CLDN10: variants seen among roughly 807,000 people sequenced by gnomAD.
The protein encoded by CLDN10 is claudin-10.
In CLDN10, 15 loss-of-function variants were observed where a neutral mutation model predicts 22.9. That is an observed-to-expected ratio of 0.65 (90% CI 0.44 to 1.01). CLDN10 has a LOEUF of 1.01. CLDN10 is among the 50% of genes least tolerant of loss of function. The pLI is 0.00. For synonymous variants in CLDN10, 114 were observed against 111.4 expected (o/e 1.02, Z -0.15); for missense variants, 247 against 287.8 (o/e 0.86, Z 1.03).
chr13:95,547,575 C>A (rs924698172), intron 1 of CLDN10, among the ~76,000 whole-genome samples: 1 of 152,158 alleles, frequency 6.6e-6, no homozygotes, highest in Non-Finnish European at 1.5e-5. Flanking sequence ...TTCTTCACAA[C>A]GCCTTTGAAA....
intron 1 of CLDN10, among the ~76,000 whole-genome samples, chr13:95,480,969 T>A (rs2042740945): frequency 6.6e-6 from 1 of 152,170 alleles, no homozygotes. Flanking sequence ...CCAGCTGCCA[T>A]CCTTCCCCTT....
At chr13:95,515,816 T>G (rs2043159162) in intron 1 of CLDN10, among the ~76,000 whole-genome samples, 1 of 152,176 alleles carries the variant, frequency 6.6e-6, no homozygotes, top group East Asian at 1.9e-4. Context: ...CTGCTGACCT[T>G]CTGCCTACTT....
intron 1 of CLDN10, among the ~76,000 whole-genome samples, chr13:95,520,210 C>T (rs574186445): frequency 5.9e-5 from 9 of 152,072 alleles, no homozygotes; most frequent in African/African-American, 1.7e-4. Context: ...TCTTGGTCTA[C>T]GTAGATTGAT....
At chr13:95,469,264 T>C (rs2042608308) in intron 1 of CLDN10, among the ~76,000 whole-genome samples, 1 of 152,200 alleles carries the variant, frequency 6.6e-6, no homozygotes. Flanking sequence ...GCAGAAATGA[T>C]GTGCCATGGA....
At chr13:95,567,673 T>C (rs997272883) in intron 3 of CLDN10, among the ~76,000 whole-genome samples, 47 of 152,346 alleles carry the variant, frequency 3.1e-4, no homozygotes, top group African/African-American at 1.0e-3. Flanking sequence ...ATAGGAGTGG[T>C]GAGAGAGGGC....
chr13:95,492,402 T>C (rs2042882797), intron 1 of CLDN10, among the ~76,000 whole-genome samples: 1 of 151,906 alleles, frequency 6.6e-6, no homozygotes. Context: ...CTAGGAGGAT[T>C]ATGGCTGCCT....
chr13:95,522,202 A>G (rs35376529), intron 1 of CLDN10, among the ~76,000 whole-genome samples: 15,138 of 151,916 alleles, frequency 0.1, 926 homozygotes, highest in Middle Eastern at 0.13. Context: ...TTTTCTGTTT[A>G]TTTGAGATCA....
intron 1 of CLDN10, among the ~76,000 whole-genome samples, chr13:95,522,868 C>A (rs2043237437): frequency 1.3e-5 from 2 of 151,906 alleles, no homozygotes; most frequent in African/African-American, 4.8e-5. Context: ...TAATAGACAT[C>A]AGTCTTATTT....
At chr13:95,479,061 T>C (rs1273545780) in intron 1 of CLDN10, among the ~76,000 whole-genome samples, 1 of 152,188 alleles carries the variant, frequency 6.6e-6, no homozygotes, top group Admixed American at 6.6e-5. Context: ...TAATAAATAG[T>C]GGCCACCGGC....
At chr13:95,484,978 G>C (rs927995709) in intron 1 of CLDN10, among the ~76,000 whole-genome samples, 2 of 152,146 alleles carry the variant, frequency 1.3e-5, no homozygotes, top group African/African-American at 4.8e-5. Flanking sequence ...CACTGGTGAG[G>C]GAGGGATTCC....
chr13:95,449,904 C>T (rs1471867487), intron 1 of CLDN10, among the ~76,000 whole-genome samples: 15 of 152,046 alleles, frequency 9.9e-5, no homozygotes, highest in African/African-American at 2.4e-4. Flanking sequence ...CCACCACGCC[C>T]GGCTGATTTT....
chr13:95,475,846 C>G (rs1332296479), intron 1 of CLDN10, among the ~76,000 whole-genome samples: 1 of 151,864 alleles, frequency 6.6e-6, no homozygotes, highest in African/African-American at 2.4e-5. Flanking sequence ...CTCTCTCTCT[C>G]TCTCTCCCTC....
intron 1 of CLDN10, among the ~76,000 whole-genome samples, chr13:95,467,173 A>G (rs922616585): frequency 2.0e-5 from 3 of 150,942 alleles, no homozygotes; most frequent in Non-Finnish European, 3.0e-5. Flanking sequence ...CACCGCGCCC[A>G]GCCACCCCCT....
chr13:95,509,501 G>A (rs1375637433), intron 1 of CLDN10, among the ~76,000 whole-genome samples: 4 of 152,164 alleles, frequency 2.6e-5, no homozygotes, highest in African/African-American at 7.2e-5. Context: ...CAGGCAGTGC[G>A]AAAATTCATT....
intron 3 of CLDN10, among the ~76,000 whole-genome samples, chr13:95,575,590 C>CGTGTGTGTGTGTGTGTCT: frequency 6.6e-6 from 1 of 151,742 alleles, no homozygotes; most frequent in East Asian, 1.9e-4. Context: ...CTGCTCAGTT[C>CGTGTGTGTGTGTGTGTCT]GTGTGTGTGT....
intron 3 of CLDN10, among the ~76,000 whole-genome samples, chr13:95,570,308 C>G (rs1333271593): frequency 6.6e-6 from 1 of 152,072 alleles, no homozygotes; most frequent in Non-Finnish European, 1.5e-5. Flanking sequence ...CCAAGCAAAC[C>G]CCCCAATTAT....
At chr13:95,553,879 A>G (rs2043601418) in intron 1 of CLDN10, among the ~76,000 whole-genome samples, 1 of 152,216 alleles carries the variant, frequency 6.6e-6, no homozygotes, top group Non-Finnish European at 1.5e-5. Flanking sequence ...TTGATTGCTC[A>G]AGTTCTAGGC....
Position 95,579,399 on chromosome 13 carries a change from TCTCA to T in CLDN10, c.*1393_*1396del, listed in dbSNP as rs571989635. 1.2e-4 allele frequency: 18 copies of T among 152,338 alleles called. No individual in the cohort carries two copies. In the East Asian group the frequency reaches 2.1e-3, roughly 18 times the overall value. 9.4% of individuals were successfully genotyped at this position (152,338 alleles called of 1,614,324 possible). On this transcript the variant is annotated 3_prime_UTR_variant, in exon 5 of 5. Coordinates refer to ENST00000299339, the MANE Select transcript of CLDN10 (RefSeq NM_006984.5). The stretch of plus-strand genomic sequence containing the variant: ...GTTCATACACACCTTTCATGTCCTG[TCTCA>T]CTCACTCCTCACAGCCATCCTAGGA...
intron 1 of CLDN10, among the ~76,000 whole-genome samples, chr13:95,530,072 G>A (rs183848885): frequency 6.6e-6 from 1 of 152,018 alleles, no homozygotes; most frequent in East Asian, 1.9e-4. Flanking sequence ...GCTTTTTAGT[G>A]CCCACAAACA....
Sources: gnomAD v4.1 joint callset for allele counts (sites outside exome capture counted in the v4.1 genomes callset) on GRCh38, gnomAD v4.1.1 for gene constraint, MANE v1.5 for transcripts, NCBI Gene and HGNC (gene_info 2026-07-23, HGNC 2026-07-21) for gene names.